Variants in TSHZ3 observed in about 807,000 individuals in gnomAD.
The protein encoded by TSHZ3 is teashirt zinc finger homeobox 3, also known as teashirt homolog 3.
TSHZ3 carries 10 observed loss-of-function variants against 64.5 expected under a neutral mutation model. The observed-to-expected ratio is 0.16, with a 90% CI of 0.10 to 0.26. The LOEUF (loss-of-function observed/expected upper bound fraction) is 0.26, where lower values mean the gene tolerates loss of function less well. Ranked by LOEUF, TSHZ3 falls within the 10% of genes least tolerant of loss-of-function variation. The probability of loss-of-function intolerance (pLI) is 1.00; values close to 1 mark genes in which losing one functional copy is unlikely to be tolerated. For missense variants in TSHZ3, 1,242 were observed against 1,421.7 expected (o/e 0.87, Z 2.03); for synonymous variants, 608 against 593.1 (o/e 1.03, Z -0.36).
chr19:31,156,042 C>T (rs1974302295), intron 6 of TSHZ3, among the ~76,000 whole-genome samples: 2 of 152,228 alleles, frequency 1.3e-5, no homozygotes, highest in Non-Finnish European at 2.9e-5. Context: ...ATGTGTGCCT[C>T]TTTCTTCAGG....
At position 31,275,620 on chromosome 19, in the gene TSHZ3, GA is replaced by G. The variant is rs1976215556; in HGVS notation, c.*926del. ...GACTGCTCAAAACAAATGACAATAT[GA>G]TGCTAATAAATATGTATAATTTAAA... On this transcript the variant is annotated 3_prime_UTR_variant, in exon 2 of 2. Coordinates refer to ENST00000240587, the MANE Select transcript of TSHZ3 (RefSeq NM_020856.4). 1 of 152,446 alleles carries G rather than the reference GA, an allele frequency of 6.6e-6. No individual in the cohort carries two copies. Among genetic ancestry groups the G allele is most frequent in the Admixed American group, 6.6e-5 (1 of 15,260 alleles). The allele number at this position is 152,446 out of a possible 1,614,324, so 9.4% of individuals were successfully genotyped here. A position where few individuals can be genotyped will look rare whatever the true frequency, so the allele number is the denominator to read the frequency against.
intron 1 of TSHZ3, among the ~76,000 whole-genome samples, chr19:31,320,946 T>A (rs749538527): frequency 6.6e-6 from 1 of 152,188 alleles, no homozygotes; most frequent in African/African-American, 2.4e-5. Context: ...TGCTGAGATG[T>A]TAGCAGGTGT....
intron 3 of TSHZ3, among the ~76,000 whole-genome samples, chr19:31,232,271 T>A (rs1311081131): frequency 6.6e-6 from 1 of 151,918 alleles, no homozygotes; most frequent in Non-Finnish European, 1.5e-5. Flanking sequence ...GTTTGATGAG[T>A]AATTGCTGGC....
intron 1 of TSHZ3, among the ~76,000 whole-genome samples, chr19:31,342,924 G>T (rs750916275): frequency 6.6e-6 from 1 of 152,172 alleles, no homozygotes; most frequent in Non-Finnish European, 1.5e-5. Flanking sequence ...GTTTGCCTTC[G>T]GATCTCACCT....
intron 5 of TSHZ3, among the ~76,000 whole-genome samples, chr19:31,202,550 T>A (rs1975103445): frequency 6.6e-6 from 1 of 152,234 alleles, no homozygotes; most frequent in Admixed American, 6.5e-5. Flanking sequence ...CATAATTTTT[T>A]ATTACCCAAT....
At chr19:31,162,422 G>A (rs1210526124) in intron 5 of TSHZ3, among the ~76,000 whole-genome samples, 1 of 152,034 alleles carries the variant, frequency 6.6e-6, no homozygotes, top group East Asian at 1.9e-4. Flanking sequence ...AATAGAGGAG[G>A]GGGAAATTAT....
Position 31,277,741 on chromosome 19 carries a change from G to T in TSHZ3, c.2052C>A (p.Leu684=). ...CCTTGCCATTCTCCACCGGCTCAGCGAGGGGGCTCCCATCCTTGCACCCAT... is the reference window on the plus strand; with the variant it reads ...CCTTGCCATTCTCCACCGGCTCAGCTAGGGGGCTCCCATCCTTGCACCCAT... ...PRDGCKDGSP[L]AEPVENGKEL... The change falls in exon 2 of 2, where the codon CTC becomes CTA. Residue 684 remains leucine, a synonymous_variant. Coordinates refer to ENST00000240587, the MANE Select transcript of TSHZ3 (RefSeq NM_020856.4). This position sits in a 1 kb window ranked among gnomAD's most constrained non-coding sequence, Gnocchi z 4.5. The T allele has an allele frequency of 6.6e-7, 1 of 1,522,576 alleles. No homozygotes were observed. Among genetic ancestry groups the T allele is most frequent in the Non-Finnish European group, 8.8e-7 (1 of 1,137,536 alleles). 94.3% of individuals were successfully genotyped at this position (1,522,576 alleles called of 1,614,324 possible).
chr19:31,244,459 CTTTTATAAGAAA>C lies in TSHZ3; in HGVS notation n.64-1596_64-1585del, dbSNP rs1194032469. Among the ~76,000 whole-genome samples, 6 of 152,138 alleles carry C rather than the reference CTTTTATAAGAAA, an allele frequency of 3.9e-5. No individual in the cohort carries two copies. In the South Asian group the frequency reaches 1.0e-3, roughly 26 times the overall value. ...ACCTCTGTCATTAAACAAGAAGCTA[CTTTTATAAGAAA>C]TTTTATAAGAAATTCTCATAAATTG... On this transcript the variant is annotated intron_variant and non_coding_transcript_variant, in intron 1 of 6. Coordinates refer to the TSHZ3 transcript ENST00000651361.
At chr19:31,350,341 G>A (rs912952427), upstream of TSHZ3, among the ~76,000 whole-genome samples, 2 of 151,816 alleles carry the variant, frequency 1.3e-5, no homozygotes, top group African/African-American at 2.4e-5. Context: ...GGCCCGTCCC[G>A]GGGGTCGGTG....
chr19:31,284,942 T>C (rs1382527994), intron 1 of TSHZ3, among the ~76,000 whole-genome samples: 1 of 152,194 alleles, frequency 6.6e-6, no homozygotes, highest in Non-Finnish European at 1.5e-5. Flanking sequence ...CCTGAATGGA[T>C]CCTGAGTCCA....
chr19:31,293,138 C>T (rs1341984642), intron 1 of TSHZ3, among the ~76,000 whole-genome samples: 5 of 152,038 alleles, frequency 3.3e-5, no homozygotes, highest in African/African-American at 1.2e-4. Context: ...TCCATCCATC[C>T]GCCCACCCAC....
chr19:31,198,447 C>G (rs1975024384), intron 5 of TSHZ3, among the ~76,000 whole-genome samples: 2 of 151,592 alleles, frequency 1.3e-5, no homozygotes, highest in African/African-American at 4.9e-5. Flanking sequence ...TGCAATAAGA[C>G]AAGAAAAGGA....
At chr19:31,157,281 T>A (rs755819231) in intron 5 of TSHZ3, among the ~76,000 whole-genome samples, 1 of 152,174 alleles carries the variant, frequency 6.6e-6, no homozygotes, top group East Asian at 1.9e-4. Flanking sequence ...AAAGACTAAG[T>A]AGCAGCTAAA....
chr19:31,263,431 G>C (rs762420648), intron 1 of TSHZ3, among the ~76,000 whole-genome samples: 1 of 131,054 alleles, frequency 7.6e-6, no homozygotes, highest in Non-Finnish European at 1.8e-5. Context: ...CTCGCCACCC[G>C]CTGCCCACGG....
In TSHZ3 at chr19:31,277,403, C is replaced by G; in HGVS notation, c.2390G>C (p.Ser797Thr). ...DQPIDLTKGK[S>T]DKGCSLGSVL... ...TGAACCCAAGGAGCAGCCTTTGTCA[C>G]TCTTCCCTTTTGTCAAGTCTATGGG... Residue 797 changes from serine to threonine, a missense_variant, in exon 2 of 2, where the codon AGT becomes ACT. Physicochemically the swap from Ser to Thr is moderately conservative, Grantham distance 58. Transcript: ENST00000240587. The surrounding 1 kb of genome is among the most constrained non-coding windows in gnomAD (Gnocchi z 4.5). 1 of 1,614,144 alleles carries G rather than the reference C, an allele frequency of 6.2e-7. No individual in the cohort carries two copies. The highest frequency in any genetic ancestry group is 1.1e-5 in the South Asian group (1 of 91,080).
At chr19:31,195,720 A>AT (rs1320593404) in intron 5 of TSHZ3, 2 of 152,150 alleles carry the variant, frequency 1.3e-5, no homozygotes, top group East Asian at 3.9e-4. Context: ...TAAAAATTTT[A>AT]TTTTTCTTAC....
At chr19:31,283,967 T>A (rs1976410714) in intron 1 of TSHZ3, among the ~76,000 whole-genome samples, 1 of 152,180 alleles carries the variant, frequency 6.6e-6, no homozygotes. Context: ...CCCACCAGGC[T>A]GGCTTCAGTA....
chr19:31,183,596 A>G (rs1974758305), intron 5 of TSHZ3, among the ~76,000 whole-genome samples: 1 of 152,158 alleles, frequency 6.6e-6, no homozygotes, highest in African/African-American at 2.4e-5. Context: ...GCAGGTTGGG[A>G]ACCAGGTGTG....
At chr19:31,289,728 C>A (rs1009841411) in intron 1 of TSHZ3, among the ~76,000 whole-genome samples, 2 of 152,080 alleles carry the variant, frequency 1.3e-5, no homozygotes, top group African/African-American at 4.8e-5. Flanking sequence ...AGATTGGCTG[C>A]CACTGTCCCT....
Sources: allele counts gnomAD v4.1 joint callset (sites outside exome capture counted in the v4.1 genomes callset), GRCh38; gene constraint gnomAD v4.1.1; non-coding constraint Gnocchi (gnomAD v3.1); transcripts MANE v1.5; gene names NCBI Gene and HGNC (gene_info 2026-07-23, HGNC 2026-07-21).